RTN4IP1: variants seen among roughly 807,000 people sequenced by gnomAD.
The protein encoded by RTN4IP1 is reticulon 4 interacting protein 1.
RTN4IP1 carries 32 observed loss-of-function variants against 46.6 expected under a neutral mutation model. The ratio of observed to expected loss-of-function variants is 0.69; its 90% CI spans 0.52 to 0.92. RTN4IP1 has a LOEUF of 0.92. Among genes scored for constraint, RTN4IP1 ranks in the 40% least tolerant of loss-of-function variants. The pLI is 0.00. For synonymous variants in RTN4IP1, 167 were observed against 161.8 expected (o/e 1.03, Z -0.24); for missense variants, 424 against 485.8 (o/e 0.87, Z 1.20).
intron 4 of RTN4IP1, among the ~76,000 whole-genome samples, chr6:106,606,412 T>G (rs1776075746): frequency 6.6e-6 from 1 of 151,952 alleles, no homozygotes; most frequent in Non-Finnish European, 1.5e-5. Flanking sequence ...AGAGCAACAC[T>G]CTGTCTCCAA....
chr6:106,584,986 C>T (rs1775450087), intron 7 of RTN4IP1, among the ~76,000 whole-genome samples: 1 of 152,166 alleles, frequency 6.6e-6, no homozygotes, highest in African/African-American at 2.4e-5. Context: ...ATATTGACTC[C>T]CCTTAGCCCT....
At chr6:106,624,935 C>CAAAAAAAAAAAA (rs1329840633) in intron 1 of RTN4IP1, among the ~76,000 whole-genome samples, 1 of 47,986 alleles carries the variant, frequency 2.1e-5, no homozygotes, top group Non-Finnish European at 5.0e-5. Flanking sequence ...AGCTCTGTCT[C>CAAAAAAAAAAAA]AAAAAAAAAA....
intron 3 of RTN4IP1, among the ~76,000 whole-genome samples, chr6:106,619,595 T>C (rs183785033): frequency 6.7e-6 from 1 of 149,900 alleles, no homozygotes; most frequent in Non-Finnish European, 1.5e-5. Flanking sequence ...ATAGTAAGTA[T>C]ACTTTTCTTC....
intron 4 of RTN4IP1, among the ~76,000 whole-genome samples, chr6:106,609,155 C>G (rs1776160434): frequency 6.6e-6 from 1 of 152,250 alleles, no homozygotes; most frequent in Non-Finnish European, 1.5e-5. Flanking sequence ...CATCCTACTT[C>G]CCAACTTATT....
Position 106,583,584 on chromosome 6 carries a change from T to C in RTN4IP1, c.991-164A>G, listed in dbSNP as rs970491113. The C allele has an allele frequency of 2.2e-4, 129 of 582,490 alleles. 4 individuals carry two copies. In the Middle Eastern group the frequency reaches 2.5e-3, roughly 11 times the overall value. 36.1% of individuals were successfully genotyped at this position (582,490 alleles called of 1,614,324 possible). A position where few individuals can be genotyped will look rare whatever the true frequency, so the allele number is the denominator to read the frequency against. On this transcript the variant is annotated intron_variant, in intron 7 of 8. Coordinates refer to ENST00000369063, the MANE Select transcript of RTN4IP1 (RefSeq NM_032730.5). ...CCTTGGCACAATGACTGACAGAGAATGGATGCTCCATAAATGTTTAATAAA... is the reference window on the plus strand; with the variant it reads ...CCTTGGCACAATGACTGACAGAGAACGGATGCTCCATAAATGTTTAATAAA...
chr6:106,583,603 TAATA>T, intron 7 of RTN4IP1, 183 bp from the exon 8 acceptor site: 1 of 531,250 alleles, frequency 1.9e-6, no homozygotes. Flanking sequence ...CATAAATGTT[TAATA>T]AATAAATAAC....
intron 4 of RTN4IP1, among the ~76,000 whole-genome samples, chr6:106,617,521 A>C (rs1776384357): frequency 6.6e-6 from 1 of 152,208 alleles, no homozygotes; most frequent in Non-Finnish European, 1.5e-5. Flanking sequence ...ATAAATATAT[A>C]GCATGTGGTC....
At chr6:106,602,827 C>G (rs748780647) in intron 5 of RTN4IP1, 47 bp downstream of exon 5, 2 of 1,308,290 alleles carry the variant, frequency 1.5e-6, no homozygotes, top group Non-Finnish European at 2.1e-6. Flanking sequence ...TTTATAAATT[C>G]ATGCAAACAA....
intron 5 of RTN4IP1, among the ~76,000 whole-genome samples, chr6:106,598,707 C>A (rs1370728426): frequency 1.3e-5 from 2 of 151,644 alleles, no homozygotes; most frequent in African/African-American, 4.8e-5. Context: ...TTAATTAGAT[C>A]CCATTTGTCA....
chr6:106,573,246 C>A (rs1303396412), intron 8 of RTN4IP1, among the ~76,000 whole-genome samples: 5 of 152,216 alleles, frequency 3.3e-5, no homozygotes, highest in Non-Finnish European at 7.3e-5. Flanking sequence ...CAATAGTTAT[C>A]CACCAGGTAT....
Position 106,571,204 on chromosome 6 carries a change from G to GAATC in RTN4IP1, c.*788_*791dup, listed in dbSNP as rs1239940546. The GAATC allele has an allele frequency of 6.6e-6, 1 of 152,152 alleles. No individual in the cohort carries two copies. The highest frequency in any genetic ancestry group is 2.4e-5 in the African/African-American group (1 of 41,440). 9.4% of individuals were successfully genotyped at this position (152,152 alleles called of 1,614,324 possible). On this transcript the variant is annotated 3_prime_UTR_variant, in exon 9 of 9. Transcript: ENST00000369063. ...TTCAATATTAAGAGCATAAACAAAT[G>GAATC]AATCACCAGGCAGATTTTTATATAT...
intron 6 of RTN4IP1, 101 bp from the exon 7 acceptor site, chr6:106,587,963 TGAC>T: frequency 9.5e-7 from 1 of 1,054,962 alleles, no homozygotes; most frequent in South Asian, 1.7e-5. Flanking sequence ...TTTATTTCAG[TGAC>T]AAATCTTAAA....
intron 3 of RTN4IP1, among the ~76,000 whole-genome samples, chr6:106,619,533 A>C (rs1483966197): frequency 1.3e-5 from 2 of 151,156 alleles, no homozygotes; most frequent in Non-Finnish European, 2.9e-5. Context: ...TCCTCTTTCT[A>C]GTAACTTGAA....
At chr6:106,592,329 TA>T (rs1562138827) in intron 5 of RTN4IP1, 29 bp from the exon 6 acceptor site, 4 of 1,599,346 alleles carry the variant, frequency 2.5e-6, no homozygotes, top group Non-Finnish European at 3.4e-6. Flanking sequence ...AAAAAAAGAA[TA>T]AAAAAGGGAG....
chr6:106,610,228 A>AT (rs1479942148), intron 4 of RTN4IP1, among the ~76,000 whole-genome samples: 3 of 151,690 alleles, frequency 2.0e-5, no homozygotes, highest in Admixed American at 6.6e-5. Context: ...CACCTGGCTA[A>AT]TTTTTTTGTA....
chr6:106,625,821 G>A (rs778179456), intron 1 of RTN4IP1, among the ~76,000 whole-genome samples: 5 of 151,598 alleles, frequency 3.3e-5, no homozygotes, highest in African/African-American at 4.8e-5. Flanking sequence ...GCGCCACCAC[G>A]CCTGGCTAAT....
In RTN4IP1 at chr6:106,628,924, A is replaced by T; in HGVS notation, c.98T>A (p.Ile33Asn). Residue 33 changes from isoleucine to asparagine, a missense_variant, in exon 1 of 9, where the codon ATT (isoleucine) becomes AAT (asparagine). Ile to Asn is a moderately radical substitution (Grantham distance 149, BLOSUM62 -3). Transcript: ENST00000369063. ...AGTGCTCCTAGGAGAGGTAGTACTA[A>T]TCCTTCTAACTGAAGGCTTTTGGAC... ...KVVQKPSVRR[I>N]STTSPRSTVM... 3 of 1,614,058 alleles carry T rather than the reference A, an allele frequency of 1.9e-6. No homozygotes were observed. The highest frequency in any genetic ancestry group is 2.5e-6 in the Non-Finnish European group (3 of 1,179,936).
chr6:106,615,513 T>C (rs747854227), intron 4 of RTN4IP1, among the ~76,000 whole-genome samples: 9 of 152,150 alleles, frequency 5.9e-5, no homozygotes, highest in African/African-American at 2.2e-4. Context: ...CTAACTCTGT[T>C]GCCCAGGATG....
intron 4 of RTN4IP1, among the ~76,000 whole-genome samples, chr6:106,605,160 G>A (rs1408520354): frequency 6.6e-6 from 1 of 152,234 alleles, no homozygotes; most frequent in African/African-American, 2.4e-5. Context: ...AACAGGCCAA[G>A]CGCGGTAGCT....
Sources: allele counts gnomAD v4.1 joint callset (sites outside exome capture counted in the v4.1 genomes callset), GRCh38; gene constraint gnomAD v4.1.1; transcripts MANE v1.5; gene names NCBI Gene and HGNC (gene_info 2026-07-23, HGNC 2026-07-21).